CACNA2D4: variants seen among roughly 807,000 people sequenced by gnomAD.
CACNA2D4 encodes the protein voltage-dependent calcium channel subunit alpha-2/delta-4.
CACNA2D4 carries 157 observed loss-of-function variants against 163.8 expected under a neutral mutation model. The ratio of observed to expected loss-of-function variants is 0.96; its 90% CI spans 0.84 to 1.09. The LOEUF is 1.09. Ranked by LOEUF, CACNA2D4 falls within the 50% of genes least tolerant of loss-of-function variation. The pLI is 0.00. For synonymous variants in CACNA2D4, 598 were observed against 586.9 expected (o/e 1.02, Z -0.27); for missense variants, 1,410 against 1,479.9 (o/e 0.95, Z 0.78).
At position 1,834,455 on chromosome 12, in the gene CACNA2D4, G is replaced by A. The variant is rs752846816; in HGVS notation, c.2551+6284C>T. 1 of 1,611,758 alleles carries A rather than the reference G, an allele frequency of 6.2e-7. No individual in the cohort carries two copies. The highest frequency in any genetic ancestry group is 1.1e-5 in the South Asian group (1 of 91,066). On this transcript the variant is annotated intron_variant, in intron 26 of 37. Coordinates refer to ENST00000382722, the MANE Select transcript of CACNA2D4 (RefSeq NM_172364.5). This position sits in a 1 kb window ranked among gnomAD's most constrained non-coding sequence, Gnocchi z 7.6. ...AGAGCCTGCTAAGCCCAAGCCCGGG[G>A]CTGAGCCGGAGCCGGAGCCCAGCAC...
chr12:1,877,691 C>T (rs369046303), intron 16 of CACNA2D4, among the ~76,000 whole-genome samples: 4 of 152,176 alleles, frequency 2.6e-5, no homozygotes, highest in African/African-American at 4.8e-5. Flanking sequence ...CAAAGGGCTA[C>T]GATTCTCCTA....
At chr12:1,848,159 T>A (rs1439411454) in intron 23 of CACNA2D4, among the ~76,000 whole-genome samples, 1 of 152,244 alleles carries the variant, frequency 6.6e-6, no homozygotes, top group Non-Finnish European at 1.5e-5. Flanking sequence ...TAGAACATTT[T>A]CATCACCCCG....
chr12:1,896,410 A>G (rs538039589), intron 6 of CACNA2D4, among the ~76,000 whole-genome samples: 1 of 152,278 alleles, frequency 6.6e-6, no homozygotes, highest in African/African-American at 2.4e-5. Flanking sequence ...AAACAAAACA[A>G]ATAATCCCAT....
At chr12:1,836,661 A>C (rs1864872060) in intron 26 of CACNA2D4, 1 of 152,630 alleles carries the variant, frequency 6.6e-6, no homozygotes, top group South Asian at 2.1e-4. Context: ...CAATGGTGGT[A>C]TCTTTAGCCT....
At position 1,873,100 on chromosome 12, in the gene CACNA2D4, T is replaced by C. The variant is rs537244388; in HGVS notation, c.1878+1504A>G. Among the ~76,000 whole-genome samples the C allele has an allele frequency of 1.1e-4, 17 of 152,238 alleles. No individual in the cohort carries two copies. The Middle Eastern group carries it at 0.01, about 91-fold the overall frequency. ...GGGATAGGATAGGCCCACCCTCAGG[T>C]TGTGAGTGTTCAATGAGTGAATACT... On this transcript the variant is annotated intron_variant, in intron 18 of 37. Transcript: ENST00000382722.
intron 6 of CACNA2D4, among the ~76,000 whole-genome samples, chr12:1,903,288 C>T (rs780690908): frequency 5.9e-5 from 9 of 152,038 alleles, no homozygotes; most frequent in Non-Finnish European, 1.2e-4. Context: ...GGGAAACTCT[C>T]CAGGACATTG....
At chr12:1,841,017 G>C (rs1455719667) in intron 25 of CACNA2D4, among the ~76,000 whole-genome samples, 198 bp from the exon 26 acceptor site, 1 of 152,280 alleles carries the variant, frequency 6.6e-6, no homozygotes, top group Non-Finnish European at 1.5e-5. Context: ...GTCTTGGACA[G>C]ACACACACAT....
intron 26 of CACNA2D4, among the ~76,000 whole-genome samples, chr12:1,823,896 G>A (rs189831918): frequency 1.9e-4 from 29 of 152,308 alleles, no homozygotes; most frequent in Admixed American, 5.9e-4. Context: ...TGCCTTTCCT[G>A]TACAAGTAAC....
Position 1,879,000 on chromosome 12 carries a change from C to T in CACNA2D4, c.1600G>A (p.Asp534Asn), listed in dbSNP as rs764192200. ...HGILLGVVGSDVALRELMKLA... is the reference protein window; with the variant it reads ...HGILLGVVGSNVALRELMKLA... ...TTCATCAGCTCTCTCAGGGCCACAT[C>T]TGAGCCCACCACACCCAGGAGAATG... Residue 534 changes from aspartate (D) to asparagine (N), a missense_variant, in exon 15 of 38, where the codon GAT becomes AAT. Coordinates refer to ENST00000382722, the MANE Select transcript of CACNA2D4 (RefSeq NM_172364.5). This position sits in a 1 kb window ranked among gnomAD's most constrained non-coding sequence, Gnocchi z 4.6. 3 of 1,613,782 alleles carry T rather than the reference C, an allele frequency of 1.9e-6. No homozygotes were observed. Among genetic ancestry groups the T allele is most frequent in the Non-Finnish European group, 1.7e-6 (2 of 1,179,882 alleles).
chr12:1,889,726 G>GA (rs1253693306), intron 6 of CACNA2D4, among the ~76,000 whole-genome samples: 2 of 151,680 alleles, frequency 1.3e-5, no homozygotes, highest in African/African-American at 4.8e-5. Context: ...GTGCTAGAGA[G>GA]AAAAAAAGTT....
At chr12:1,821,841 C>A (rs1864116573) in intron 26 of CACNA2D4, among the ~76,000 whole-genome samples, 1 of 152,158 alleles carries the variant, frequency 6.6e-6, no homozygotes, top group South Asian at 2.1e-4. Flanking sequence ...TCCCCCACCC[C>A]CAAGCTGTCC....
At chr12:1,881,802 C>T (rs1037505074) in intron 13 of CACNA2D4, among the ~76,000 whole-genome samples, 1 of 152,264 alleles carries the variant, frequency 6.6e-6, no homozygotes, top group Non-Finnish European at 1.5e-5. Flanking sequence ...GCCGTGTTGG[C>T]GGAGCCCCTT....
chr12:1,870,910 GAGAA>G, intron 18 of CACNA2D4, among the ~76,000 whole-genome samples: 1 of 152,178 alleles, frequency 6.6e-6, no homozygotes. Context: ...AAGAGAGAGA[GAGAA>G]AGACAGTGTA....
At chr12:1,838,313 C>T (rs1181552524) in intron 26 of CACNA2D4, among the ~76,000 whole-genome samples, 4 of 152,260 alleles carry the variant, frequency 2.6e-5, no homozygotes, top group Non-Finnish European at 2.9e-5. Flanking sequence ...ACCTTCCCCT[C>T]GAGCTCGGTG....
At chr12:1,865,086 G>A (rs971796880) in intron 18 of CACNA2D4, among the ~76,000 whole-genome samples, 2 of 152,198 alleles carry the variant, frequency 1.3e-5, no homozygotes, top group African/African-American at 4.8e-5. Flanking sequence ...TCCCGCGCTG[G>A]CCGGCAGGCA....
intron 18 of CACNA2D4, among the ~76,000 whole-genome samples, chr12:1,871,598 A>G (rs1387198581): frequency 1.4e-5 from 2 of 147,102 alleles, no homozygotes; most frequent in Non-Finnish European, 1.5e-5. Flanking sequence ...GTATGTGTGT[A>G]CACATGTATG....
Position 1,828,117 on chromosome 12 carries a change from G to C in CACNA2D4, c.2551+12622C>G. On this transcript the variant is annotated intron_variant, in intron 26 of 37. Coordinates refer to ENST00000382722, the MANE Select transcript of CACNA2D4 (RefSeq NM_172364.5). The surrounding 1 kb of genome is among the most constrained non-coding windows in gnomAD (Gnocchi z 4.2). ...ACCCAGGGGCTCCTCTCTCCCCAGA[G>C]CGACAGGGCCCGGAGAGCCGTGGGC... The C allele has an allele frequency of 1.3e-6, 2 of 1,505,870 alleles. No homozygotes were observed. Among genetic ancestry groups the C allele is most frequent in the Non-Finnish European group, 1.8e-6 (2 of 1,123,774 alleles). 93.3% of individuals were successfully genotyped at this position (1,505,870 alleles called of 1,614,324 possible). A position where few individuals can be genotyped will look rare whatever the true frequency, so the allele number is the denominator to read the frequency against.
chr12:1,824,068 G>A (rs989003723), intron 26 of CACNA2D4, among the ~76,000 whole-genome samples: 4 of 152,162 alleles, frequency 2.6e-5, no homozygotes, highest in Non-Finnish European at 5.9e-5. Context: ...ACCTCAGAGA[G>A]TTGTTACAAG....
In CACNA2D4 at chr12:1,875,400, C is replaced by T; in HGVS notation, c.1720-63G>A. The T allele has an allele frequency of 9.7e-7, 1 of 1,028,286 alleles. No individual in the cohort carries two copies. Among genetic ancestry groups the T allele is most frequent in the Non-Finnish European group, 1.5e-6 (1 of 647,172 alleles). 63.7% of individuals were successfully genotyped at this position (1,028,286 alleles called of 1,614,324 possible). A position where few individuals can be genotyped will look rare whatever the true frequency, so the allele number is the denominator to read the frequency against. On this transcript the variant is annotated intron_variant, in intron 16 of 37. Coordinates refer to ENST00000382722, the MANE Select transcript of CACNA2D4 (RefSeq NM_172364.5). This position sits in a 1 kb window ranked among gnomAD's most constrained non-coding sequence, Gnocchi z 4.0. The stretch of plus-strand genomic sequence containing the variant: ...GTATACGTCCTGCTCAAGTTTATCT[C>T]TTCTACAAAGCCTTTCAGGTATATT...
Sources: gnomAD v4.1 joint callset for allele counts (sites outside exome capture counted in the v4.1 genomes callset) on GRCh38, gnomAD v4.1.1 for gene constraint, Gnocchi (gnomAD v3.1) non-coding constraint, MANE v1.5 for transcripts, NCBI Gene and HGNC (gene_info 2026-07-23, HGNC 2026-07-21) for gene names.